The following PARD3B variants were observed in gnomAD, a reference collection of about 807,000 sequenced individuals.
PARD3B encodes par-3 family cell polarity regulator beta, also known as partitioning defective 3 homolog B.
Under a neutral mutation model 130.2 loss-of-function variants are expected in PARD3B, and 103 were observed. The ratio of observed to expected loss-of-function variants is 0.79; its 90% CI spans 0.67 to 0.93. The LOEUF (loss-of-function observed/expected upper bound fraction) is 0.93. PARD3B is among the 40% of genes least tolerant of loss of function. The pLI, the probability that PARD3B is intolerant of heterozygous loss-of-function variation, is 0.00. For synonymous variants in PARD3B, 583 were observed against 553.2 expected (o/e 1.05, Z -0.76); for missense variants, 1,609 against 1,499.2 (o/e 1.07, Z -1.21).
At chr2:204,764,105 G>A (rs1053638689) in intron 2 of PARD3B, among the ~76,000 whole-genome samples, 3 of 152,110 alleles carry the variant, frequency 2.0e-5, no homozygotes, top group Non-Finnish European at 4.4e-5. Context: ...ATGAGTGAAA[G>A]GAGAAAGCTC....
intron 1 of PARD3B, among the ~76,000 whole-genome samples, chr2:204,654,236 C>A (rs1318859254): frequency 6.6e-6 from 1 of 151,158 alleles, no homozygotes; most frequent in Non-Finnish European, 1.5e-5. Context: ...ATAAGGAAGG[C>A]AAGATGATTT....
intron 4 of PARD3B, among the ~76,000 whole-genome samples, chr2:205,101,037 A>C (rs1702747942): frequency 6.6e-6 from 1 of 152,204 alleles, no homozygotes. Context: ...GGACACATGA[A>C]GAAAGTGAAG....
chr2:204,553,667 T>TTTATATATATCC (rs2030677996), intron 1 of PARD3B, among the ~76,000 whole-genome samples: 2 of 32,358 alleles, frequency 6.2e-5, no homozygotes, highest in Non-Finnish European at 2.1e-4. Flanking sequence ...TATATATATA[T>TTTATATATATCC]ATATATATAT....
intron 20 of PARD3B, among the ~76,000 whole-genome samples, chr2:205,448,700 A>G (rs1392952001): frequency 6.6e-6 from 1 of 152,138 alleles, no homozygotes; most frequent in Non-Finnish European, 1.5e-5. Flanking sequence ...CCCAGCACTC[A>G]TCACTCGAGA....
chr2:205,113,650 T>G (rs1452357873), intron 6 of PARD3B, 73 bp downstream of exon 6: 1 of 1,114,568 alleles, frequency 9.0e-7, no homozygotes, highest in Non-Finnish European at 1.3e-6. Flanking sequence ...CCCAAATATT[T>G]TTCACAAGGA....
intron 21 of PARD3B, among the ~76,000 whole-genome samples, chr2:205,505,563 G>T (rs941665180): frequency 5.9e-5 from 9 of 152,158 alleles, no homozygotes; most frequent in Non-Finnish European, 1.2e-4. Context: ...AAGTAAAACA[G>T]TCTGGTGAGT....
chr2:205,410,680 C>T (rs1236650904), intron 19 of PARD3B, among the ~76,000 whole-genome samples: 3 of 152,124 alleles, frequency 2.0e-5, no homozygotes, highest in African/African-American at 7.2e-5. Flanking sequence ...AAACTGGTCT[C>T]TGAAAACTGT....
At chr2:204,831,699 C>CGTT (rs10684304) in intron 2 of PARD3B, among the ~76,000 whole-genome samples, 37,950 of 151,958 alleles carry the variant, frequency 0.25, 7,367 homozygotes, top group African/African-American at 0.54. Context: ...AAACCCTTCT[C>CGTT]GTAGTTGTTT....
rs571965585 is a variant in PARD3B at position 205,144,702 on chromosome 2, A to T, written c.1435-14020A>T. On this transcript the variant is annotated intron_variant, in intron 10 of 22. Transcript: ENST00000406610. ...AAGAACTTTTTCATTAAAATAGTAA[A>T]CATGTACTGTGAATTTTAAGTGGTT... Among the ~76,000 whole-genome samples the T allele has an allele frequency of 9.2e-5, 14 of 152,308 alleles. No homozygotes were observed. In the East Asian group the frequency reaches 2.7e-3, roughly 29 times the overall value.
chr2:204,981,543 C>T (rs1692668102), intron 3 of PARD3B, among the ~76,000 whole-genome samples: 1 of 152,160 alleles, frequency 6.6e-6, no homozygotes, highest in Non-Finnish European at 1.5e-5. Flanking sequence ...ATTAAAATGA[C>T]AATCTAAAAT....
intron 15 of PARD3B, among the ~76,000 whole-genome samples, chr2:205,207,507 T>C (rs1008741856): frequency 1.4e-5 from 2 of 143,332 alleles, no homozygotes; most frequent in Non-Finnish European, 3.0e-5. Context: ...ATGAATCAAA[T>C]AGATGCGATA....
At chr2:205,131,129 A>G (rs2031961160) in intron 10 of PARD3B, among the ~76,000 whole-genome samples, 1 of 152,184 alleles carries the variant, frequency 6.6e-6, no homozygotes, top group Admixed American at 6.6e-5. Flanking sequence ...CCCTTTGGCT[A>G]TTTGATTCAA....
intron 13 of PARD3B, among the ~76,000 whole-genome samples, chr2:205,177,557 T>C (rs369264980): frequency 1.1e-3 from 168 of 152,292 alleles, no homozygotes; most frequent in African/African-American, 3.5e-3. Flanking sequence ...TCCCTATATT[T>C]TGAACACTTA....
chr2:205,317,976 C>G (rs535580911), intron 18 of PARD3B, among the ~76,000 whole-genome samples: 2 of 151,924 alleles, frequency 1.3e-5, no homozygotes, highest in Admixed American at 1.3e-4. Context: ...TCCCACTTGC[C>G]AACAAAAGAA....
chr2:204,945,093 G>A lies in PARD3B; in HGVS notation c.223-20059G>A, dbSNP rs114463717. On this transcript the variant is annotated intron_variant, in intron 2 of 22. Transcript: ENST00000406610. ...GAAAAAGATTTAAGGTAGTGTTACA[G>A]TACCATCGGGTTCATATGCTCACTG... is the stretch of plus-strand genomic sequence containing the variant. Among the ~76,000 whole-genome samples, 245 of 152,348 alleles carry A rather than the reference G, an allele frequency of 1.6e-3. 2 individuals carry two copies. The highest frequency in any genetic ancestry group is 5.7e-3 in the African/African-American group (239 of 41,574).
rs749561596 is a variant in PARD3B at position 205,156,276 on chromosome 2, G to C, written c.1435-2446G>C. Among the ~76,000 whole-genome samples the C allele has an allele frequency of 8.0e-5, 11 of 136,824 alleles. 2 individuals are homozygous for C. Among genetic ancestry groups the C allele is most frequent in the East Asian group, 2.6e-4 (1 of 3,784 alleles). The allele number at this position is 136,824 out of a possible 152,430, so 89.8% of individuals were successfully genotyped here. On this transcript the variant is annotated intron_variant, in intron 10 of 22. Transcript: ENST00000406610. ...GGGGACTGTTGTGGGGTGGGCGGGG[G>C]GGGGAGGAATAGCATTAGGAGATAT... is the stretch of plus-strand genomic sequence containing the variant.
At chr2:205,159,021 C>A in intron 11 of PARD3B, 114 bp downstream of exon 11, 1 of 1,100,306 alleles carries the variant, frequency 9.1e-7, no homozygotes, top group Non-Finnish European at 1.3e-6. Context: ...TGAGACTTTC[C>A]CGCCAGATAC....
At chr2:205,140,376 T>G (rs991200338) in intron 10 of PARD3B, among the ~76,000 whole-genome samples, 2 of 150,828 alleles carry the variant, frequency 1.3e-5, no homozygotes, top group African/African-American at 4.9e-5. Flanking sequence ...ATAAAAGGTT[T>G]AATTGAAAGT....
intron 3 of PARD3B, among the ~76,000 whole-genome samples, chr2:205,028,183 A>G (rs1697167645): frequency 6.6e-6 from 1 of 152,054 alleles, no homozygotes; most frequent in African/African-American, 2.4e-5. Context: ...TAACAATATT[A>G]ATTTTTTAAT....
Sources: allele counts gnomAD v4.1 joint callset (sites outside exome capture counted in the v4.1 genomes callset), GRCh38; gene constraint gnomAD v4.1.1; transcripts MANE v1.5; gene names NCBI Gene and HGNC (gene_info 2026-07-23, HGNC 2026-07-21).